RFX8: variants seen among roughly 807,000 people sequenced by gnomAD.
RFX8 encodes the protein DNA-binding protein RFX8.
A neutral mutation model predicts 54.6 loss-of-function variants in RFX8; 46 were observed. The observed-to-expected ratio is 0.84, with a 90% confidence interval of 0.67 to 1.08. The LOEUF is 1.08. Ranked by LOEUF, RFX8 falls within the 50% of genes least tolerant of loss-of-function variation. RFX8 has a pLI of 0.00. For missense variants in RFX8, 536 were observed against 562.3 expected, an observed-to-expected ratio of 0.95 and a Z score of 0.47; for synonymous variants, 192 against 209.5, an observed-to-expected ratio of 0.92 and a Z score of 0.72.
intron 11 of RFX8, among the ~76,000 whole-genome samples, chr2:101,400,123 C>T (rs1278603364): frequency 6.6e-6 from 1 of 152,184 alleles, no homozygotes; most frequent in African/African-American, 2.4e-5. Context: ...AGACTGTCAG[C>T]GTCTGCTCTT....
chr2:101,469,514 C>T (rs1394222256), intron 1 of RFX8, among the ~76,000 whole-genome samples: 2 of 152,024 alleles, frequency 1.3e-5, no homozygotes, highest in African/African-American at 4.8e-5. Context: ...TGGAAGTTAT[C>T]ACAGAAAAAT....
intron 2 of RFX8, among the ~76,000 whole-genome samples, chr2:101,443,030 A>G (rs1241024673): frequency 1.3e-5 from 2 of 152,190 alleles, no homozygotes; most frequent in African/African-American, 4.8e-5. Context: ...TATTTTCTCT[A>G]TTAACCACCC....
intron 2 of RFX8, among the ~76,000 whole-genome samples, chr2:101,440,959 T>G (rs1171889671): frequency 2.9e-5 from 3 of 103,766 alleles, no homozygotes; most frequent in Non-Finnish European, 4.0e-5. Context: ...CTGAAACCCA[T>G]GTTGAAATTT....
At chr2:101,463,813 G>T (rs1689421585) in intron 2 of RFX8, among the ~76,000 whole-genome samples, 1 of 152,176 alleles carries the variant, frequency 6.6e-6, no homozygotes, top group Non-Finnish European at 1.5e-5. Context: ...GGAGGCAGAG[G>T]GAGGGAAGAA....
At chr2:101,401,359 C>T (rs910314519) in intron 11 of RFX8, among the ~76,000 whole-genome samples, 10 of 152,082 alleles carry the variant, frequency 6.6e-5, no homozygotes, top group African/African-American at 1.9e-4. Flanking sequence ...TCGGAGAACT[C>T]GCAATGAGAG....
rs1165842023 is a variant in RFX8, at chr2:101,397,601, CATCTGAT to C, written c.1362_1368del (p.Ile454MetfsTer27). 1 of 1,550,620 alleles carries C rather than the reference CATCTGAT, an allele frequency of 6.4e-7. No homozygotes were observed. Among genetic ancestry groups the C allele is most frequent in the South Asian group, 1.2e-5 (1 of 83,932 alleles). ...TAAATATCTTCAGAGCTTTGGGGTA[CATCTGAT>C]ATCTGAATCACAAATTGTTGTCCAT... On this transcript the variant is annotated frameshift_variant, in exon 12 of 12. Coordinates refer to ENST00000428343, the MANE Select transcript of RFX8 (RefSeq NM_001145664.2). LOFTEE classifies it high-confidence loss of function.
At chr2:101,452,430 A>G in intron 2 of RFX8, 1 of 1,362,152 alleles carries the variant, frequency 7.3e-7, no homozygotes, top group Non-Finnish European at 9.4e-7. Flanking sequence ...AAGGTCCGGA[A>G]AAACCAATCT....
At chr2:101,450,517 C>A in intron 2 of RFX8, 1 of 700,612 alleles carries the variant, frequency 1.4e-6, no homozygotes, top group Non-Finnish European at 2.4e-6. Flanking sequence ...CGTGAGCCAC[C>A]ACACTTGGCC....
chr2:101,462,225 C>T (rs1689323715), intron 2 of RFX8, among the ~76,000 whole-genome samples: 1 of 152,074 alleles, frequency 6.6e-6, no homozygotes, highest in Admixed American at 6.6e-5. Flanking sequence ...CCCAGGGGTC[C>T]AAGACCAGCC....
chr2:101,456,312 C>T (rs1688959152), intron 2 of RFX8, among the ~76,000 whole-genome samples: 1 of 152,162 alleles, frequency 6.6e-6, no homozygotes, highest in African/African-American at 2.4e-5. Flanking sequence ...GGAATGCTTC[C>T]ACTTTTTGCC....
intron 2 of RFX8, among the ~76,000 whole-genome samples, chr2:101,436,033 C>T (rs911555420): frequency 2.0e-5 from 3 of 152,076 alleles, no homozygotes; most frequent in African/African-American, 7.2e-5. Context: ...CCCTGGTTCC[C>T]GGCTCTGTCA....
intron 1 of RFX8, among the ~76,000 whole-genome samples, chr2:101,467,809 G>T (rs1284596791): frequency 6.6e-6 from 1 of 152,034 alleles, no homozygotes; most frequent in African/African-American, 2.4e-5. Context: ...GGGTCAGAAA[G>T]TGTCCGTAGT....
intron 2 of RFX8, among the ~76,000 whole-genome samples, chr2:101,454,481 C>T (rs1688860316): frequency 6.6e-6 from 1 of 152,184 alleles, no homozygotes; most frequent in South Asian, 2.1e-4. Flanking sequence ...CACTGTCTTC[C>T]ACAATGGTTG....
chr2:101,441,516 G>T (rs1215960352), intron 2 of RFX8, among the ~76,000 whole-genome samples: 1 of 152,156 alleles, frequency 6.6e-6, no homozygotes, highest in East Asian at 1.9e-4. Flanking sequence ...CAGCAAGAAG[G>T]CCCTCACTGG....
At chr2:101,457,631 T>C (rs1245679084) in intron 2 of RFX8, among the ~76,000 whole-genome samples, 1 of 152,212 alleles carries the variant, frequency 6.6e-6, no homozygotes, top group Non-Finnish European at 1.5e-5. Context: ...CTTCCAATTA[T>C]GTGATCAATT....
chr2:101,472,930 A>G (rs1690090678), intron 1 of RFX8, among the ~76,000 whole-genome samples: 1 of 152,130 alleles, frequency 6.6e-6, no homozygotes, highest in Non-Finnish European at 1.5e-5. Context: ...AAGGCAGGAG[A>G]ATCACTTGAA....
chr2:101,417,721 A>T, intron 5 of RFX8, 37 bp from the exon 6 acceptor site: 1 of 1,519,594 alleles, frequency 6.6e-7, no homozygotes. Context: ...GATTCTGCTG[A>T]TGGTGCAGGT....
At chr2:101,448,287 T>A (rs1390522312) in intron 2 of RFX8, among the ~76,000 whole-genome samples, 2 of 152,202 alleles carry the variant, frequency 1.3e-5, no homozygotes, top group African/African-American at 4.8e-5. Context: ...CACCCTCCAC[T>A]GCCCAGCCTG....
chr2:101,419,347 C>T (rs1686723473), intron 4 of RFX8, among the ~76,000 whole-genome samples: 1 of 152,238 alleles, frequency 6.6e-6, no homozygotes, highest in Middle Eastern at 3.4e-3. Flanking sequence ...CATTTTTCAG[C>T]TCAGAGAAAG....
Sources: gnomAD v4.1 joint callset for allele counts (sites outside exome capture counted in the v4.1 genomes callset) on GRCh38, gnomAD v4.1.1 for gene constraint, MANE v1.5 for transcripts, NCBI Gene and HGNC (gene_info 2026-07-23, HGNC 2026-07-21) for gene names.